UGT3A2: variants seen among roughly 807,000 people sequenced by gnomAD.
The protein encoded by UGT3A2 is UDP-glycosyltransferase 3A2.
A neutral mutation model predicts 39.8 loss-of-function variants in UGT3A2; 32 were observed. That is an observed-to-expected ratio of 0.80 (90% confidence interval 0.61 to 1.08). UGT3A2 has a LOEUF of 1.08. UGT3A2 is among the 50% of genes least tolerant of loss of function. The pLI, the probability that UGT3A2 is intolerant of heterozygous loss-of-function variation, is 0.00. For missense variants in UGT3A2, 611 were observed against 637.1 expected, an observed-to-expected ratio of 0.96 and a Z score of 0.44; for synonymous variants, 241 against 230.7, an observed-to-expected ratio of 1.04 and a Z score of -0.40.
chr5:36,064,260 G>C lies in UGT3A2; in HGVS notation c.185C>G (p.Pro62Arg). Residue 62 changes from proline to arginine, a missense_variant, in exon 2 of 7, where the codon CCT becomes CGT. Transcript: ENST00000282507. ...NVTMLNHKRGPFMPDFKKEEK... is the reference protein window; with the variant it reads ...NVTMLNHKRGRFMPDFKKEEK... ...GTGAGAAAAGATACCTGGCATAAAA[G>C]GACCTCTTTTGTGGTTAAGCATGGT... 2 of 1,613,970 alleles carry C rather than the reference G, an allele frequency of 1.2e-6. No individual in the cohort carries two copies. Among genetic ancestry groups the C allele is most frequent in the Non-Finnish European group, 1.7e-6 (2 of 1,179,908 alleles).
intron 4 of UGT3A2, among the ~76,000 whole-genome samples, chr5:36,048,495 CA>C (rs1457867944): frequency 6.6e-6 from 1 of 152,212 alleles, no homozygotes; most frequent in Non-Finnish European, 1.5e-5. Flanking sequence ...ATAGTGTTGT[CA>C]TTTCATTGTG....
intron 3 of UGT3A2, among the ~76,000 whole-genome samples, chr5:36,049,919 G>A (rs1022453821): frequency 1.3e-5 from 2 of 152,108 alleles, no homozygotes; most frequent in Non-Finnish European, 2.9e-5. Context: ...GATTGCCTCA[G>A]TCAAGGAACT....
At chr5:36,059,361 CT>C (rs35872759) in intron 2 of UGT3A2, among the ~76,000 whole-genome samples, 52,197 of 118,606 alleles carry the variant, frequency 0.44, 11,417 homozygotes, top group South Asian at 0.63. Context: ...TTTCTTTTCT[CT>C]TTTTTTTTTT....
intron 4 of UGT3A2, among the ~76,000 whole-genome samples, chr5:36,041,779 G>A (rs1275748666): frequency 6.6e-6 from 1 of 152,154 alleles, no homozygotes; most frequent in Non-Finnish European, 1.5e-5. Flanking sequence ...TCTCAAGAAG[G>A]ACAGGTACAA....
chr5:36,059,199 A>G (rs1247774076), intron 2 of UGT3A2, among the ~76,000 whole-genome samples: 1 of 152,140 alleles, frequency 6.6e-6, no homozygotes, highest in Non-Finnish European at 1.5e-5. Context: ...CCCAGAAAAA[A>G]TTAAAACCAA....
At position 36,042,967 on chromosome 5, in the gene UGT3A2, C is replaced by T. The variant is rs549086458; in HGVS notation, c.844-3259G>A. On this transcript the variant is annotated intron_variant, in intron 4 of 6. Transcript: ENST00000282507. Reference sequence around the variant, plus strand: ...AAAATGCAACACTTTCAGCATTGGACGCATCATCCAGACAGAAAATCAACA... The same window carrying T: ...AAAATGCAACACTTTCAGCATTGGATGCATCATCCAGACAGAAAATCAACA... Among the ~76,000 whole-genome samples the T allele has an allele frequency of 2.0e-4, 31 of 152,060 alleles. 1 individual carries two copies. The South Asian group carries it at 2.9e-3, about 14-fold the overall frequency.
At chr5:36,038,145 G>A in intron 5 of UGT3A2, 129 bp from the exon 6 acceptor site, 1 of 968,558 alleles carries the variant, frequency 1.0e-6, no homozygotes, top group Non-Finnish European at 1.5e-6. Flanking sequence ...TCTAATGACT[G>A]TGCTTGGGAC....
At chr5:36,053,366 A>C (rs1742408470) in intron 2 of UGT3A2, among the ~76,000 whole-genome samples, 1 of 152,182 alleles carries the variant, frequency 6.6e-6, no homozygotes, top group Non-Finnish European at 1.5e-5. Context: ...TTACAAGCCC[A>C]ACATCTTTTA....
intron 1 of UGT3A2, among the ~76,000 whole-genome samples, 185 bp from the exon 2 acceptor site, chr5:36,064,535 G>A (rs550744301): frequency 1.4e-4 from 22 of 152,114 alleles, no homozygotes; most frequent in Non-Finnish European, 2.5e-4. Context: ...GAGCATGGCC[G>A]CCCAAATTTT....
Position 36,038,007 on chromosome 5 carries a change from C to T in UGT3A2, c.1085G>A (p.Ser362Asn). ...LPQSDLLAHP[S>N]IRLFVTHGGQ... ...GCCGTGGGTGACAAACAGACGGATG[C>T]TTGGGTGAGCTGTTGTAAATAAGAA... Residue 362 changes from serine to asparagine, a missense_variant, in exon 6 of 7, where the codon AGC becomes AAC. Physicochemically the swap from Ser to Asn is conservative, Grantham distance 46. Coordinates refer to ENST00000282507, the MANE Select transcript of UGT3A2 (RefSeq NM_174914.4). The T allele has an allele frequency of 1.3e-6, 2 of 1,594,500 alleles. No individual in the cohort carries two copies. The highest frequency in any genetic ancestry group is 1.7e-6 in the Non-Finnish European group (2 of 1,173,578).
intron 6 of UGT3A2, 57 bp downstream of exon 6, chr5:36,037,740 C>T (rs1420523341): frequency 1.3e-5 from 20 of 1,581,962 alleles, no homozygotes; most frequent in Non-Finnish European, 1.7e-5. Flanking sequence ...CCCATAGTGC[C>T]CTTAGTGTTT....
chr5:36,044,785 G>A (rs1169323829), intron 4 of UGT3A2, among the ~76,000 whole-genome samples: 1 of 152,000 alleles, frequency 6.6e-6, no homozygotes, highest in Non-Finnish European at 1.5e-5. Flanking sequence ...AGAAGTAAAA[G>A]ATCTCTCCAA....
In UGT3A2 at chr5:36,035,400, T is replaced by G; in HGVS notation, c.*298A>C. On this transcript the variant is annotated 3_prime_UTR_variant, in exon 7 of 7. Transcript: ENST00000282507. ...AAGGTGGATTTTAAGGCTGGAAATC[T>G]GAGGGTCAGTGGTCCAAGTCACTCA... 1 of 371,106 alleles carries G rather than the reference T, an allele frequency of 2.7e-6. No homozygotes were observed. The highest frequency in any genetic ancestry group is 8.1e-4 in the Middle Eastern group (1 of 1,230). The allele number at this position is 371,106 out of a possible 1,614,324, so 23.0% of individuals were successfully genotyped here. A position where few individuals can be genotyped will look rare whatever the true frequency, so the allele number is the denominator to read the frequency against.
chr5:36,036,929 TACCTTGGAGGTCA>T (rs777044020), intron 6 of UGT3A2, among the ~76,000 whole-genome samples: 82 of 152,354 alleles, frequency 5.4e-4, no homozygotes, highest in Admixed American at 1.6e-3. Flanking sequence ...TGCAGTTAGT[TACCTTGGAGGTCA>T]CTGGGCCCCT....
At chr5:36,039,783 A>G in intron 4 of UGT3A2, 75 bp from the exon 5 acceptor site, 2 of 1,282,554 alleles carry the variant, frequency 1.6e-6, no homozygotes, top group South Asian at 1.3e-5. Flanking sequence ...AATGAAAGCC[A>G]GAGTATTTAC....
intron 4 of UGT3A2, among the ~76,000 whole-genome samples, chr5:36,042,189 A>G (rs1742030789): frequency 6.6e-6 from 1 of 152,114 alleles, no homozygotes. Flanking sequence ...CTTCGACAAT[A>G]TAATAAGATA....
chr5:36,062,763 G>A (rs939574144), intron 2 of UGT3A2, among the ~76,000 whole-genome samples: 10 of 152,192 alleles, frequency 6.6e-5, no homozygotes, highest in Non-Finnish European at 4.4e-5. Context: ...GTTTTGGCTG[G>A]ATGCAGTGGT....
chr5:36,066,724 A>T lies in UGT3A2; in HGVS notation c.66T>A (p.Ala22=), dbSNP rs780482292. ...CTGTAGATATTGTCAGGATTTTGGC[A>T]GCCTCTGAGAGCAGGACCCCAGGGA... ...FLLPGVLLSE[A]AKILTISTVG... The change falls in exon 1 of 7, where the codon GCT becomes GCA. Residue 22 remains alanine (A), a synonymous_variant. Transcript: ENST00000282507. 6.2e-7 allele frequency: 1 copy of T among 1,614,186 alleles called. No individual in the cohort carries two copies. The highest frequency in any genetic ancestry group is 8.5e-7 in the Non-Finnish European group (1 of 1,180,028).
In UGT3A2 at chr5:36,035,772, G is replaced by C. The variant is rs900483448; in HGVS notation, c.1498C>G (p.Leu500Val). The change falls in exon 7 of 7, where the codon CTA (leucine) becomes GTA (valine). Residue 500 changes from leucine to valine, a missense_variant. Physicochemically the swap from Leu to Val is conservative, Grantham distance 32. Transcript: ENST00000282507. ...VFLLGLTLGTLWLCGKLLGMA... is the reference protein window; with the variant it reads ...VFLLGLTLGTVWLCGKLLGMA... ...CCCAGCAGCTTCCCACAAAGCCATAGAGTCCCCAGAGTGAGCCCCAGCAGA... is the reference window on the plus strand; with the variant it reads ...CCCAGCAGCTTCCCACAAAGCCATACAGTCCCCAGAGTGAGCCCCAGCAGA... 2 of 1,614,008 alleles carry C rather than the reference G, an allele frequency of 1.2e-6. No individual in the cohort carries two copies. Among genetic ancestry groups the C allele is most frequent in the African/African-American group, 1.3e-5 (1 of 74,918 alleles).
Sources: allele counts gnomAD v4.1 joint callset (sites outside exome capture counted in the v4.1 genomes callset), GRCh38; gene constraint gnomAD v4.1.1; transcripts MANE v1.5; gene names NCBI Gene and HGNC (gene_info 2026-07-23, HGNC 2026-07-21).